Variants in FAM81B observed in about 807,000 individuals in gnomAD.
FAM81B encodes the protein protein FAM81B.
FAM81B carries 60 observed loss-of-function variants against 58.7 expected under a neutral mutation model. The observed-to-expected ratio is 1.02, with a 90% CI of 0.83 to 1.27. The LOEUF (loss-of-function observed/expected upper bound fraction) is 1.27, where lower values mean the gene tolerates loss of function less well. Among genes scored for constraint, FAM81B ranks in the 50% most tolerant of loss-of-function variants. The probability of loss-of-function intolerance (pLI) is 0.00; values close to 1 mark genes in which losing one functional copy is unlikely to be tolerated. For missense variants in FAM81B, 491 were observed against 522.0 expected (o/e 0.94, Z 0.58); for synonymous variants, 189 against 179.6 (o/e 1.05, Z -0.42).
chr5:95,407,966 C>G (rs926925730), intron 3 of FAM81B, among the ~76,000 whole-genome samples: 2 of 152,126 alleles, frequency 1.3e-5, no homozygotes, highest in South Asian at 4.1e-4. Flanking sequence ...TCATATAGCT[C>G]TTGGTCGACA....
rs753737738 is a variant in FAM81B, at chr5:95,428,666, A to G, written c.720A>G (p.Gln240=). Residue 240 remains glutamine, a synonymous_variant, in exon 6 of 10, where the codon CAA becomes CAG. Transcript: ENST00000283357. ...ACTTATTCAGGCAAGAGCACCGGCA[A>G]ATTGAGAAAGCCATTCAAGAATTCG... ...DIHLFRQEHR[Q]IEKAIQEFVP... is the part of the protein sequence containing the mutation. The G allele has an allele frequency of 4.0e-5, 65 of 1,613,934 alleles. No individual in the cohort carries two copies. Among genetic ancestry groups the G allele is most frequent in the Admixed American group, 2.5e-4 (15 of 60,004 alleles).
chr5:95,447,533 C>T (rs1395865239), intron 8 of FAM81B, among the ~76,000 whole-genome samples: 1 of 152,174 alleles, frequency 6.6e-6, no homozygotes, highest in African/African-American at 2.4e-5. Flanking sequence ...ATTCCTTTAC[C>T]AGTTATACGC....
chr5:95,408,338 T>C (rs10515225), intron 3 of FAM81B, among the ~76,000 whole-genome samples: 39,562 of 152,160 alleles, frequency 0.26, 5,345 homozygotes, highest in Middle Eastern at 0.29. Flanking sequence ...CCATTTCTAA[T>C]TTACTTTGTT....
intron 5 of FAM81B, 66 bp from the exon 6 acceptor site, chr5:95,428,537 T>C (rs1262579241): frequency 6.4e-7 from 1 of 1,570,896 alleles, no homozygotes; most frequent in East Asian, 2.3e-5. Flanking sequence ...AATGTGCAGG[T>C]GTCTACTATA....
intron 7 of FAM81B, chr5:95,440,394 T>C: frequency 1.5e-6 from 1 of 687,998 alleles, no homozygotes; most frequent in Non-Finnish European, 2.7e-6. Flanking sequence ...TCAGATTCAA[T>C]GTCATGACGA....
chr5:95,394,386 A>G (rs1489974862), intron 2 of FAM81B, among the ~76,000 whole-genome samples: 2 of 152,180 alleles, frequency 1.3e-5, no homozygotes, highest in Admixed American at 6.5e-5. Flanking sequence ...CTCCAAACAT[A>G]TAAGGAGGGA....
intron 5 of FAM81B, among the ~76,000 whole-genome samples, chr5:95,427,502 C>T (rs1270246334): frequency 6.6e-6 from 1 of 152,092 alleles, no homozygotes; most frequent in Admixed American, 6.5e-5. Context: ...TAAAGAAATG[C>T]TCAGGCAAAA....
At chr5:95,440,559 C>A in intron 7 of FAM81B, 1 of 574,768 alleles carries the variant, frequency 1.7e-6, no homozygotes. Flanking sequence ...TGAAGCTGCT[C>A]AAATTCTGCA....
At position 95,391,401 on chromosome 5, in the gene FAM81B, A is replaced by G; in HGVS notation, c.12A>G (p.Gln4=). The change falls in exon 1 of 10, where the codon CAA becomes CAG. Residue 4 remains glutamine (Q), a synonymous_variant. Coordinates refer to ENST00000283357, the MANE Select transcript of FAM81B (RefSeq NM_152548.3). MQL[Q]FLGTLASSEK... is the part of the protein sequence containing the mutation. ...AGACCTTAGTTAGGATGCAATTACAATTCCTTGGTACATTGGCTTCCTCAG... is the reference window on the plus strand; with the variant it reads ...AGACCTTAGTTAGGATGCAATTACAGTTCCTTGGTACATTGGCTTCCTCAG... 1.2e-6 allele frequency: 2 copies of G among 1,613,126 alleles called. No homozygotes were observed. Among genetic ancestry groups the G allele is most frequent in the Non-Finnish European group, 1.7e-6 (2 of 1,179,526 alleles).
At chr5:95,419,233 G>A (rs770549054) in intron 4 of FAM81B, among the ~76,000 whole-genome samples, 14 of 152,146 alleles carry the variant, frequency 9.2e-5, no homozygotes, top group Non-Finnish European at 1.5e-4. Flanking sequence ...AAATGAGCAA[G>A]AGTCTGTCTG....
intron 1 of FAM81B, among the ~76,000 whole-genome samples, chr5:95,392,405 G>A (rs1171638110): frequency 6.6e-6 from 1 of 152,160 alleles, no homozygotes; most frequent in East Asian, 1.9e-4. Context: ...TAATGTAGAT[G>A]ATGGGCTGAT....
intron 9 of FAM81B, among the ~76,000 whole-genome samples, chr5:95,449,276 T>A (rs539949880): frequency 2.5e-4 from 38 of 152,288 alleles, no homozygotes; most frequent in African/African-American, 9.1e-4. Flanking sequence ...GGCATATAAG[T>A]AGAATTTGCT....
chr5:95,414,883 C>A (rs1245145373), intron 4 of FAM81B, among the ~76,000 whole-genome samples: 2 of 152,164 alleles, frequency 1.3e-5, no homozygotes, highest in African/African-American at 4.8e-5. Context: ...GCACTCATTG[C>A]AAACTACCAT....
At chr5:95,423,704 C>A (rs1265871680) in intron 5 of FAM81B, among the ~76,000 whole-genome samples, 4 of 152,070 alleles carry the variant, frequency 2.6e-5, no homozygotes, top group African/African-American at 9.7e-5. Context: ...CTTGAGACAA[C>A]TCAATGCCAG....
chr5:95,414,221 G>A lies in FAM81B; in HGVS notation c.537+31G>A, dbSNP rs1355528731. On this transcript the variant is annotated intron_variant, in intron 4 of 9. Transcript: ENST00000283357. ...TCTCTTTTTGTTTTATTTTGTTTTT[G>A]TTTTGTATTTTGGCAGCATTGCTTG... The A allele has an allele frequency of 3.2e-6, 5 of 1,584,346 alleles. No individual in the cohort carries two copies. The South Asian group carries it at 5.9e-5, about 19-fold the overall frequency.
chr5:95,404,370 C>T (rs939905318), intron 3 of FAM81B, among the ~76,000 whole-genome samples: 3 of 152,128 alleles, frequency 2.0e-5, no homozygotes, highest in Admixed American at 1.3e-4. Flanking sequence ...TGCAATCTGA[C>T]TCACAAAACC....
chr5:95,435,096 C>A (rs1745048795), intron 6 of FAM81B, among the ~76,000 whole-genome samples: 1 of 152,144 alleles, frequency 6.6e-6, no homozygotes, highest in African/African-American at 2.4e-5. Context: ...AAAAGTCACG[C>A]ATCAAAGGAC....
At chr5:95,414,617 A>G (rs1234009875) in intron 4 of FAM81B, among the ~76,000 whole-genome samples, 2 of 151,796 alleles carry the variant, frequency 1.3e-5, no homozygotes, top group East Asian at 1.9e-4. Context: ...TCTTTCCTTC[A>G]CTCTGGCCAC....
At chr5:95,396,711 C>T (rs1761975470) in intron 3 of FAM81B, 2 of 152,222 alleles carry the variant, frequency 1.3e-5, no homozygotes, top group Non-Finnish European at 2.9e-5. Flanking sequence ...CCAAAATACC[C>T]AAGGATGCCA....
Sources: gnomAD v4.1 joint callset for allele counts (sites outside exome capture counted in the v4.1 genomes callset) on GRCh38, gnomAD v4.1.1 for gene constraint, MANE v1.5 for transcripts, NCBI Gene and HGNC (gene_info 2026-07-23, HGNC 2026-07-21) for gene names.